The following MDGA1 variants were observed in gnomAD, a reference collection of about 807,000 sequenced individuals.
MDGA1 encodes MAM domain containing glycosylphosphatidylinositol anchor 1.
MDGA1 carries 54 observed loss-of-function variants against 101.5 expected under a neutral mutation model. The observed-to-expected ratio is 0.53, with a 90% CI of 0.43 to 0.67. MDGA1 has a LOEUF of 0.67. Among genes scored for constraint, MDGA1 ranks in the 30% least tolerant of loss-of-function variants. The pLI is 0.00. For synonymous variants in MDGA1, 533 were observed against 558.3 expected (o/e 0.95, Z 0.64); for missense variants, 1,083 against 1,323.8 (o/e 0.82, Z 2.82).
chr6:37,664,842 GACACACACAC>G (rs35594367), intron 1 of MDGA1, among the ~76,000 whole-genome samples: 784 of 55,196 alleles, frequency 0.014, 12 homozygotes, highest in Middle Eastern at 0.028. Context: ...CCTAACCTAA[GACACACACAC>G]ACACACACAC....
intron 14 of MDGA1, among the ~76,000 whole-genome samples, chr6:37,640,107 C>T (rs1042483661): frequency 2.6e-5 from 4 of 152,108 alleles, no homozygotes; most frequent in Non-Finnish European, 4.4e-5. Flanking sequence ...CAGAGTTCAC[C>T]GGAAGGATAG....
Position 37,649,017 on chromosome 6 carries a change from T to G in MDGA1, c.1859A>C (p.Asp620Ala), listed in dbSNP as rs1375627046. Residue 620 changes from aspartate (D) to alanine (A), a missense_variant, in exon 9 of 17, where the codon GAT (aspartate) becomes GCT (alanine). Asp to Ala is a moderately radical substitution (Grantham distance 126, BLOSUM62 -2). Transcript: ENST00000434837. ...SGSYECSVSN[D>A]VGSAACLFQV... ...GAAGAGGCAGGCAGCCGAGCCCACA[T>G]CGTTGGAGACGCTGCACTCGTAGCT... The G allele has an allele frequency of 1.3e-6, 2 of 1,552,172 alleles. No homozygotes were observed. The highest frequency in any genetic ancestry group is 2.8e-5 in the African/African-American group (2 of 72,286).
chr6:37,638,161 G>A lies in MDGA1; in HGVS notation c.2776+44C>T, dbSNP rs1763976281. On this transcript the variant is annotated intron_variant, in intron 16 of 16. Coordinates refer to ENST00000434837, the MANE Select transcript of MDGA1 (RefSeq NM_153487.4). The surrounding 1 kb of genome is among the most constrained non-coding windows in gnomAD (Gnocchi z 4.8). Reference sequence around the variant, plus strand: ...CAGACAGGAACCCCCGCCACGCACAGCTCCCTCCAGATTCAGCTCCCCCAC... The same window carrying A: ...CAGACAGGAACCCCCGCCACGCACAACTCCCTCCAGATTCAGCTCCCCCAC... 1.3e-6 allele frequency: 2 copies of A among 1,540,994 alleles called. No homozygotes were observed. Among genetic ancestry groups the A allele is most frequent in the African/African-American group, 1.4e-5 (1 of 73,374 alleles).
chr6:37,664,859 A>ACACACACACACACACACACACC (rs1761710843), intron 1 of MDGA1, among the ~76,000 whole-genome samples: 1 of 105,674 alleles, frequency 9.5e-6, no homozygotes, highest in Non-Finnish European at 2.2e-5. Flanking sequence ...ACACACACAC[A>ACACACACACACACACACACACC]CACACACACA....
In MDGA1 at chr6:37,685,670, AC is replaced by A. The variant is rs533054849; in HGVS notation, c.67+11074del. On this transcript the variant is annotated intron_variant, in intron 1 of 16. Coordinates refer to ENST00000434837, the MANE Select transcript of MDGA1 (RefSeq NM_153487.4). ...CACCTGCTAGCAGAGAGAGGTACCA[AC>A]CGGTAGACATCAACAATCCCAGGGA... Among the ~76,000 whole-genome samples the A allele has an allele frequency of 1.3e-3, 204 of 152,236 alleles. 1 individual carries two copies. Among genetic ancestry groups the A allele is most frequent in the Non-Finnish European group, 2.2e-3 (149 of 68,014 alleles).
intron 1 of MDGA1, among the ~76,000 whole-genome samples, chr6:37,674,483 T>G (rs1359242888): frequency 6.6e-6 from 1 of 152,252 alleles, no homozygotes; most frequent in African/African-American, 2.4e-5. Context: ...CTGCTGCAAG[T>G]GGCGGCTGGT....
At chr6:37,691,187 T>C (rs1415712943) in intron 1 of MDGA1, among the ~76,000 whole-genome samples, 5 of 152,130 alleles carry the variant, frequency 3.3e-5, no homozygotes, top group Non-Finnish European at 5.9e-5. Context: ...TAATGAATGA[T>C]GAGTGAAAGG....
chr6:37,681,287 T>A (rs1561861430), intron 1 of MDGA1, among the ~76,000 whole-genome samples: 1 of 152,120 alleles, frequency 6.6e-6, no homozygotes, highest in Non-Finnish European at 1.5e-5. Context: ...CCAGGAAAAT[T>A]AGCCAGGAGC....
Position 37,681,002 on chromosome 6 carries a change from C to A in MDGA1, c.67+15743G>T, listed in dbSNP as rs570911662. ...GGCCCACCCTTCCTCCTCAGCCCCC[C>A]CCCCCCAGGAAACCTGGGCAGGACC... On this transcript the variant is annotated intron_variant, in intron 1 of 16. Transcript: ENST00000434837. 1.4e-4 allele frequency among the ~76,000 whole-genome samples: 21 copies of A among 151,768 alleles called. 1 individual carries two copies. In the South Asian group the frequency reaches 3.1e-3, roughly 23 times the overall value.
chr6:37,637,482 G>T, intron 16 of MDGA1, 23 bp from the exon 17 acceptor site: 3 of 1,604,706 alleles, frequency 1.9e-6, no homozygotes, highest in Non-Finnish European at 2.6e-6. Context: ...AGAAAGAGGA[G>T]ACAGGCCAGG....
rs371898227 is a variant in MDGA1, at chr6:37,678,343, C to T, written c.68-14237G>A. Among the ~76,000 whole-genome samples, 14 of 152,248 alleles carry T rather than the reference C, an allele frequency of 9.2e-5. No individual in the cohort carries two copies. The East Asian group carries it at 1.5e-3, about 17-fold the overall frequency. ...GAACCAATCAGGAATCTGCCCCCTG[C>T]GATGCCACCCTAGTCTTAGCCCCCA... On this transcript the variant is annotated intron_variant, in intron 1 of 16. Coordinates refer to ENST00000434837, the MANE Select transcript of MDGA1 (RefSeq NM_153487.4).
In MDGA1 at chr6:37,654,927, C is replaced by A; in HGVS notation, c.585G>T (p.Glu195Asp). 6.2e-7 allele frequency: 1 copy of A among 1,613,206 alleles called. No individual in the cohort carries two copies. Among genetic ancestry groups the A allele is most frequent in the Non-Finnish European group, 8.5e-7 (1 of 1,179,780 alleles). Residue 195 changes from glutamate (E) to aspartate (D), a missense_variant, in exon 5 of 17, where the codon GAG (glutamate) becomes GAT (aspartate). Physicochemically the swap from Glu to Asp is conservative, Grantham distance 45. This residue lies in a region of MDGA1 where 310 missense variants were observed against 355.9 expected (regional missense o/e 0.87). Transcript: ENST00000434837. ...DIYEPLYTQGETKVLKLKNLR... is the reference protein window; with the variant it reads ...DIYEPLYTQGDTKVLKLKNLR... The stretch of plus-strand genomic sequence containing the variant: ...GGTTCTTCAGCTTCAGGACCTTGGT[C>A]TCCCCCTGGGCAGCAGTGGACCACT...
rs777727109 is a variant in MDGA1 at position 37,654,354 on chromosome 6, C to T, written c.902G>A (p.Arg301Gln). 3.7e-5 allele frequency: 60 copies of T among 1,610,738 alleles called. No homozygotes were observed. The highest frequency in any genetic ancestry group is 1.7e-4 in the Middle Eastern group (1 of 6,046). ...GTLSIPSVQA[R>Q]DSGYYNCTAT... ...TGTGCAGTTGTAGTAGCCAGAGTCC[C>T]GGGCCTGCACTGAAGGGATGCTGAG... Residue 301 changes from arginine to glutamine, a missense_variant, in exon 6 of 17, where the codon CGG becomes CAG. Transcript: ENST00000434837.
chr6:37,687,054 C>T (rs1762211618), intron 1 of MDGA1, among the ~76,000 whole-genome samples: 2 of 152,066 alleles, frequency 1.3e-5, no homozygotes, highest in Non-Finnish European at 1.5e-5. Flanking sequence ...GTCTTGAGTT[C>T]GAACCCTGAC....
At chr6:37,661,703 G>C (rs1243875862) in intron 2 of MDGA1, among the ~76,000 whole-genome samples, 1 of 152,166 alleles carries the variant, frequency 6.6e-6, no homozygotes, top group Non-Finnish European at 1.5e-5. Flanking sequence ...TCAGACAAGA[G>C]AGGCAGGTGG....
At chr6:37,649,643 C>T (rs1300847457) in intron 8 of MDGA1, among the ~76,000 whole-genome samples, 1 of 152,098 alleles carries the variant, frequency 6.6e-6, no homozygotes, top group Non-Finnish European at 1.5e-5. Context: ...AGACTTTAGG[C>T]AAGTTACTCA....
chr6:37,643,664 G>A, intron 14 of MDGA1, 145 bp downstream of exon 14: 2 of 1,143,676 alleles, frequency 1.7e-6, no homozygotes, highest in Non-Finnish European at 1.2e-6. Flanking sequence ...CCAATTCTCT[G>A]TGCAGACCCG....
chr6:37,681,684 A>G (rs1762099994), intron 1 of MDGA1, among the ~76,000 whole-genome samples: 1 of 152,362 alleles, frequency 6.6e-6, no homozygotes, highest in Middle Eastern at 3.4e-3. Context: ...CTGGAGGAAC[A>G]TGTTACAGCT....
chr6:37,668,261 A>AAAG (rs1338494090), intron 1 of MDGA1, among the ~76,000 whole-genome samples: 1 of 149,706 alleles, frequency 6.7e-6, no homozygotes, highest in Non-Finnish European at 1.5e-5. Context: ...AAAAAAAAAA[A>AAAG]AAAGGTGATC....
Sources: gnomAD v4.1 joint callset for allele counts (sites outside exome capture counted in the v4.1 genomes callset) on GRCh38, gnomAD v4.1.1 for gene constraint, gnomAD v4.1.1 regional missense constraint, Gnocchi (gnomAD v3.1) non-coding constraint, MANE v1.5 for transcripts, NCBI Gene and HGNC (gene_info 2026-07-23, HGNC 2026-07-21) for gene names.